Variants in TAB2 observed in about 807,000 individuals in gnomAD.
The protein encoded by TAB2 is TGF-beta activated kinase 1 (MAP3K7) binding protein 2, also known as TGF-beta-activated kinase 1 and MAP3K7-binding protein 2.
TAB2 carries 3 observed loss-of-function variants against 65.0 expected under a neutral mutation model. That is an observed-to-expected ratio of 0.05 (90% CI 0.02 to 0.12). The LOEUF (loss-of-function observed/expected upper bound fraction) is 0.12. Among genes scored for constraint, TAB2 ranks in the 10% least tolerant of loss-of-function variants. The pLI is 1.00. For synonymous variants in TAB2, 298 were observed against 285.1 expected, an observed-to-expected ratio of 1.05 and a Z score of -0.46; for missense variants, 623 against 840.3, an observed-to-expected ratio of 0.74 and a Z score of 3.20.
Position 149,378,192 on chromosome 6 carries a change from G to A in TAB2, c.277G>A (p.Glu93Lys), listed in dbSNP as rs1346429094. The A allele has an allele frequency of 4.3e-6, 7 of 1,614,070 alleles. 1 individual carries two copies. The Admixed American group carries it at 5.0e-5, about 12-fold the overall frequency. ...ACAGAACATTTACCACCATGGAAGA[G>A]AAGGAAGTAGGATGAATGGAAGTAG... ...QSQNIYHHGR[E>K]GSRMNGSRTL... The change falls in exon 3 of 7, where the codon GAA (glutamate) becomes AAA (lysine). Residue 93 changes from glutamate (E) to lysine (K), a missense_variant. By Grantham distance (56) the Glu-to-Lys change is moderately conservative. Transcript: ENST00000637181.
chr6:149,240,752 CAT>C (rs1445323538), intron 1 of TAB2, among the ~76,000 whole-genome samples: 1 of 152,004 alleles, frequency 6.6e-6, no homozygotes, highest in South Asian at 2.1e-4. Context: ...TTTGGGCTAA[CAT>C]AAAGTCAAAT....
Position 149,273,370 on chromosome 6 carries a change from C to T in TAB2, c.-121+54594C>T, listed in dbSNP as rs1778399792. ...GAGAGGCATGCGTTTCTATTCTTGG[C>T]ATGGAACAAACATTTCAGTTTCCTG... On this transcript the variant is annotated intron_variant, in intron 1 of 1. Transcript: ENST00000606202. Among the ~76,000 whole-genome samples the T allele has an allele frequency of 2.0e-5, 3 of 152,124 alleles. No individual in the cohort carries two copies. In the South Asian group the frequency reaches 6.2e-4, roughly 31 times the overall value.
chr6:149,379,360 C>T lies in TAB2; in HGVS notation c.1445C>T (p.Ser482Phe). The T allele has an allele frequency of 6.2e-7, 1 of 1,614,182 alleles. No individual in the cohort carries two copies. The highest frequency in any genetic ancestry group is 1.3e-5 in the African/African-American group (1 of 75,040). ...KPPAVSPGVV[S>F]PTFELTNLLN... ...CCTGCAGTTTCACCAGGGGTGGTGT[C>T]CCCTACCTTTGAACTTACAAATCTT... Residue 482 changes from serine (S) to phenylalanine (F), a missense_variant, in exon 3 of 7, where the codon TCC becomes TTC. Coordinates refer to ENST00000637181, the MANE Select transcript of TAB2 (RefSeq NM_001292034.3).
At chr6:149,369,380 G>T (rs1781144369) in intron 1 of TAB2, among the ~76,000 whole-genome samples, 1 of 152,058 alleles carries the variant, frequency 6.6e-6, no homozygotes. Flanking sequence ...AGAAGCAGAG[G>T]GAATAAAATG....
At chr6:149,356,273 T>G (rs891882286) in intron 1 of TAB2, among the ~76,000 whole-genome samples, 2 of 152,210 alleles carry the variant, frequency 1.3e-5, no homozygotes, top group African/African-American at 4.8e-5. Flanking sequence ...AGTGATTCTG[T>G]GACTAAAATT....
upstream of TAB2, among the ~76,000 whole-genome samples, chr6:149,315,522 A>C (rs1562410966): frequency 2.0e-5 from 3 of 152,204 alleles, no homozygotes; most frequent in South Asian, 2.1e-4. Context: ...ATATTCAGGA[A>C]ATTTAACATT....
In TAB2 at chr6:149,406,820, G is replaced by A. The variant is rs376546473; in HGVS notation, c.1940-2757G>A. Among the ~76,000 whole-genome samples the A allele has an allele frequency of 2.4e-3, 364 of 152,236 alleles. 2 individuals carry two copies. The highest frequency in any genetic ancestry group is 8.4e-3 in the African/African-American group (350 of 41,536). ...CACAACCTCTGCCTCCCAGGTTCAA[G>A]CCATTCTCCTGCCTCAGCTTCCCAA... On this transcript the variant is annotated intron_variant, in intron 6 of 6. Coordinates refer to ENST00000637181, the MANE Select transcript of TAB2 (RefSeq NM_001292034.3).
intron 6 of TAB2, among the ~76,000 whole-genome samples, chr6:149,402,579 T>G (rs938001250): frequency 2.6e-5 from 4 of 152,094 alleles, no homozygotes; most frequent in African/African-American, 9.7e-5. Flanking sequence ...TACCAACCCA[T>G]CTTAAGCTCT....
intron 1 of TAB2, among the ~76,000 whole-genome samples, chr6:149,254,091 A>AT (rs1385085513): frequency 9.2e-6 from 1 of 108,832 alleles, no homozygotes; most frequent in Non-Finnish European, 2.0e-5. Flanking sequence ...GGAAGGAAGG[A>AT]AGGAAGGAAG....
intron 1 of TAB2, among the ~76,000 whole-genome samples, chr6:149,223,573 C>T (rs1427038893): frequency 2.6e-5 from 4 of 152,160 alleles, no homozygotes; most frequent in Non-Finnish European, 5.9e-5. Context: ...AATGACAATT[C>T]TCTCAACTCC....
At chr6:149,353,297 T>TA (rs1432692199) in intron 1 of TAB2, among the ~76,000 whole-genome samples, 1 of 152,190 alleles carries the variant, frequency 6.6e-6, no homozygotes. Context: ...TCCTTCCCCT[T>TA]ACTTCTCTCT....
At chr6:149,341,711 C>CT (rs1780132491) in intron 1 of TAB2, among the ~76,000 whole-genome samples, 1 of 152,174 alleles carries the variant, frequency 6.6e-6, no homozygotes, top group Non-Finnish European at 1.5e-5. Context: ...TACTTTTACT[C>CT]TGTTTTGCTG....
chr6:149,249,995 G>A (rs1777826247), intron 1 of TAB2, among the ~76,000 whole-genome samples: 1 of 152,176 alleles, frequency 6.6e-6, no homozygotes, highest in Non-Finnish European at 1.5e-5. Flanking sequence ...GTTGGGTCTT[G>A]AAGGATGTGT....
chr6:149,308,970 C>T (rs182355979), intron 1 of TAB2, among the ~76,000 whole-genome samples: 223 of 152,178 alleles, frequency 1.5e-3, no homozygotes, highest in African/African-American at 5.2e-3. Context: ...TTCTTAATCA[C>T]CGTATACATA....
chr6:149,364,561 A>G (rs577917175), intron 1 of TAB2, among the ~76,000 whole-genome samples: 1 of 151,820 alleles, frequency 6.6e-6, no homozygotes, highest in South Asian at 2.1e-4. Flanking sequence ...TAACCTAGCA[A>G]TTTCTGTGAT....
rs371526358 is a variant in TAB2 at position 149,328,544 on chromosome 6, G to A, written c.-90+10529G>A. ...CCTGACCTTGTGATTGGCCCGCCTTGACCTACCAAAGTGCTGGGATTACAG... is the reference window on the plus strand; with the variant it reads ...CCTGACCTTGTGATTGGCCCGCCTTAACCTACCAAAGTGCTGGGATTACAG... On this transcript the variant is annotated intron_variant, in intron 1 of 6. Transcript: ENST00000637181. 3.7e-4 allele frequency among the ~76,000 whole-genome samples: 56 copies of A among 152,252 alleles called. No individual in the cohort carries two copies. The South Asian group carries it at 0.011, about 30-fold the overall frequency.
intron 6 of TAB2, chr6:149,400,272 C>T (rs1782328364): frequency 2.7e-6 from 3 of 1,111,278 alleles, no homozygotes; most frequent in East Asian, 5.0e-5. Flanking sequence ...TGTGCACGCA[C>T]CCTCTCCCTC....
At chr6:149,403,283 T>TATATAC (rs1554265413) in intron 6 of TAB2, among the ~76,000 whole-genome samples, 5 of 24,578 alleles carry the variant, frequency 2.0e-4, no homozygotes, top group Admixed American at 4.6e-4. Flanking sequence ...TATATATATA[T>TATATAC]ACACACACAC....
chr6:149,221,231 A>G (rs905960202), intron 1 of TAB2: 1 of 152,184 alleles, frequency 6.6e-6, no homozygotes, highest in Non-Finnish European at 1.5e-5. Context: ...GTATTGTGTG[A>G]AAATACTCAA....
Sources: gnomAD v4.1 joint callset for allele counts (sites outside exome capture counted in the v4.1 genomes callset) on GRCh38, gnomAD v4.1.1 for gene constraint, MANE v1.5 for transcripts, NCBI Gene and HGNC (gene_info 2026-07-23, HGNC 2026-07-21) for gene names.